The following RSF1 variants were observed in gnomAD, a reference collection of about 807,000 sequenced individuals.
RSF1 encodes the protein remodeling and spacing factor 1.
In RSF1, 13 loss-of-function variants were observed where a neutral mutation model predicts 145.2. The observed-to-expected ratio is 0.09, with a 90% CI of 0.06 to 0.14. The LOEUF is 0.14. RSF1 is among the 10% of genes least tolerant of loss of function. RSF1 has a pLI of 1.00. For missense variants in RSF1, 1,517 were observed against 1,718.2 expected (o/e 0.88, Z 2.07); for synonymous variants, 577 against 592.6 (o/e 0.97, Z 0.38).
Position 77,671,106 on chromosome 11 carries a change from C to CAA in RSF1, c.3751+934_3751+935dup, listed in dbSNP as rs1171789380. On this transcript the variant is annotated intron_variant, in intron 15 of 15. Transcript: ENST00000308488. ...GGGTGACAGAGTAAGACTCTGTCACCAAAAAAAAAAAAAAAAAAAAAAAAA... is the reference window on the plus strand; with the variant it reads ...GGGTGACAGAGTAAGACTCTGTCACCAAAAAAAAAAAAAAAAAAAAAAAAAAA... Among the ~76,000 whole-genome samples the CAA allele has an allele frequency of 1.6e-3, 9 of 5,532 alleles. 1 individual carries two copies. Among genetic ancestry groups the CAA allele is most frequent in the African/African-American group, 5.6e-3 (5 of 888 alleles). The allele number at this position is 5,532 out of a possible 152,430, so 3.6% of individuals were successfully genotyped here.
chr11:77,860,813 C>T, the RSF1 span, among the ~76,000 whole-genome samples: 1 of 152,148 alleles, frequency 6.6e-6, no homozygotes, highest in South Asian at 2.1e-4. Flanking sequence ...CACTCTACTT[C>T]CTCTGGTATT....
chr11:77,736,473 G>A (rs1961356143), intron 4 of RSF1, among the ~76,000 whole-genome samples: 1 of 152,200 alleles, frequency 6.6e-6, no homozygotes, highest in Admixed American at 6.5e-5. Context: ...CAAATGAGAT[G>A]ATGCCCCACA....
chr11:77,719,789 A>G (rs1407413360), intron 5 of RSF1, among the ~76,000 whole-genome samples: 1 of 152,246 alleles, frequency 6.6e-6, no homozygotes, highest in Non-Finnish European at 1.5e-5. Flanking sequence ...GATACATGCT[A>G]CAACATGGAT....
intron 5 of RSF1, among the ~76,000 whole-genome samples, chr11:77,719,197 A>G (rs1267638325): frequency 1.3e-5 from 2 of 152,170 alleles, no homozygotes; most frequent in African/African-American, 4.8e-5. Context: ...TTGTGGCACT[A>G]GATTCCAGCC....
At chr11:77,824,079 A>G (rs1343132938), upstream of RSF1, among the ~76,000 whole-genome samples, 1 of 152,234 alleles carries the variant, frequency 6.6e-6, no homozygotes, top group Non-Finnish European at 1.5e-5. Flanking sequence ...ACCCAAAGAT[A>G]AGAAGTGTTT....
the RSF1 span, among the ~76,000 whole-genome samples, chr11:77,848,788 C>T: frequency 1.3e-5 from 2 of 151,774 alleles, no homozygotes; most frequent in African/African-American, 4.8e-5. Flanking sequence ...TTTCTTTCTA[C>T]TACATATTGT....
chr11:77,792,738 A>G (rs1049330729), intron 1 of RSF1, among the ~76,000 whole-genome samples: 5 of 130,854 alleles, frequency 3.8e-5, no homozygotes, highest in African/African-American at 8.0e-5. Flanking sequence ...CAAAGGTCTG[A>G]AAAAAAAAAA....
the RSF1 span, chr11:77,850,859 T>C: frequency 6.6e-6 from 1 of 152,038 alleles, no homozygotes; most frequent in African/African-American, 2.4e-5. Context: ...AGATACGACA[T>C]TTCAGTATTT....
At chr11:77,715,220 T>C (rs1018316960) in intron 5 of RSF1, among the ~76,000 whole-genome samples, 6 of 147,740 alleles carry the variant, frequency 4.1e-5, no homozygotes, top group East Asian at 2.0e-4. Flanking sequence ...CTGTATCCTA[T>C]TGTTTATGGC....
rs941201589 is a variant in RSF1 at position 77,714,985 on chromosome 11, A to G, written c.733+10560T>C. Among the ~76,000 whole-genome samples the G allele has an allele frequency of 4.6e-5, 7 of 152,110 alleles. No individual in the cohort carries two copies. In the East Asian group the frequency reaches 7.7e-4, roughly 17 times the overall value. Reference sequence around the variant, plus strand: ...ACAATTTTTTTTTAATTAGCTGGACATGGTGGCACATGCCTGTAGTCTGAG... The same window carrying G: ...ACAATTTTTTTTTAATTAGCTGGACGTGGTGGCACATGCCTGTAGTCTGAG... On this transcript the variant is annotated intron_variant, in intron 5 of 15. Transcript: ENST00000308488.
chr11:77,859,839 G>A, the RSF1 span, among the ~76,000 whole-genome samples: 2 of 152,194 alleles, frequency 1.3e-5, no homozygotes, highest in Admixed American at 6.5e-5. Context: ...GTGCACAGTC[G>A]CAGCACTGGC....
At chr11:77,693,104 G>C (rs1960197686) in intron 8 of RSF1, among the ~76,000 whole-genome samples, 1 of 152,128 alleles carries the variant, frequency 6.6e-6, no homozygotes, top group East Asian at 1.9e-4. Flanking sequence ...AAGAGAAAGA[G>C]AATCTATGTT....
chr11:77,711,440 G>A (rs560868431), intron 5 of RSF1, among the ~76,000 whole-genome samples: 10 of 152,262 alleles, frequency 6.6e-5, no homozygotes, highest in Non-Finnish European at 1.2e-4. Context: ...AGGCCGAGGC[G>A]AGCGGATCAC....
Position 77,813,856 on chromosome 11 carries a change from C to G in RSF1, c.187+6672G>C, listed in dbSNP as rs1052251568. Among the ~76,000 whole-genome samples the G allele has an allele frequency of 2.5e-4, 37 of 147,718 alleles. 1 individual carries two copies. The highest frequency in any genetic ancestry group is 5.9e-4 in the East Asian group (3 of 5,044). On this transcript the variant is annotated intron_variant, in intron 1 of 15. Coordinates refer to ENST00000308488, the MANE Select transcript of RSF1 (RefSeq NM_016578.4). The stretch of plus-strand genomic sequence containing the variant: ...ACACACACACACACACACACACACA[C>G]AGAGATAATGGAGAATTAATACAAT...
At chr11:77,768,161 C>CATTT (rs1948245229) in intron 1 of RSF1, among the ~76,000 whole-genome samples, 2 of 122,816 alleles carry the variant, frequency 1.6e-5, no homozygotes, top group Non-Finnish European at 3.3e-5. Flanking sequence ...ATATTATCAG[C>CATTT]TTTTTTTTTT....
intron 1 of RSF1, 130 bp downstream of exon 1, chr11:77,820,398 G>C (rs1056842125): frequency 5.1e-6 from 5 of 981,192 alleles, no homozygotes; most frequent in South Asian, 1.7e-5. Context: ...CCAGCCCGGC[G>C]GAGTTGCGTC....
intron 2 of RSF1, among the ~76,000 whole-genome samples, chr11:77,747,980 A>G (rs1948019483): frequency 6.6e-6 from 1 of 152,178 alleles, no homozygotes; most frequent in Non-Finnish European, 1.5e-5. Flanking sequence ...GAGCATAACG[A>G]GGGCCAAAGG....
At chr11:77,667,555 T>C (rs1398059943) in intron 15 of RSF1, 64 bp from the exon 16 acceptor site, 3 of 1,396,282 alleles carry the variant, frequency 2.1e-6, no homozygotes, top group African/African-American at 1.4e-5. Flanking sequence ...AATTCTCCTT[T>C]TCCTCCCGAT....
intron 5 of RSF1, among the ~76,000 whole-genome samples, chr11:77,725,283 A>C (rs1368088232): frequency 6.6e-6 from 1 of 152,232 alleles, no homozygotes; most frequent in Non-Finnish European, 1.5e-5. Flanking sequence ...AAATGTCTTC[A>C]CATTCCTTAG....
Sources: allele counts gnomAD v4.1 joint callset (sites outside exome capture counted in the v4.1 genomes callset), GRCh38; gene constraint gnomAD v4.1.1; transcripts MANE v1.5; gene names NCBI Gene and HGNC (gene_info 2026-07-23, HGNC 2026-07-21).